The following SYT1 variants were observed in gnomAD, a reference collection of about 807,000 sequenced individuals.
The protein encoded by SYT1 is synaptotagmin 1.
Under a neutral mutation model 44.8 loss-of-function variants are expected in SYT1, and 8 were observed. The observed-to-expected ratio is 0.18, with a 90% CI of 0.10 to 0.32. The LOEUF (loss-of-function observed/expected upper bound fraction) is 0.32. SYT1 is among the 10% of genes least tolerant of loss of function. SYT1 has a pLI of 1.00. For missense variants in SYT1, 286 were observed against 509.3 expected, an observed-to-expected ratio of 0.56 and a Z score of 4.22; for synonymous variants, 154 against 188.8, an observed-to-expected ratio of 0.82 and a Z score of 1.51.
intron 4 of SYT1, among the ~76,000 whole-genome samples, chr12:79,246,635 G>A (rs560538843): frequency 6.6e-6 from 1 of 152,196 alleles, no homozygotes; most frequent in Non-Finnish European, 1.5e-5. Flanking sequence ...GGCAAATACT[G>A]TGTGAAGCCT....
At chr12:79,279,276 G>A (rs948611743) in intron 4 of SYT1, among the ~76,000 whole-genome samples, 1 of 151,934 alleles carries the variant, frequency 6.6e-6, no homozygotes, top group Non-Finnish European at 1.5e-5. Context: ...AAATCCAACA[G>A]CACATGAAAA....
intron 9 of SYT1, among the ~76,000 whole-genome samples, chr12:79,407,090 A>G (rs570340527): frequency 6.6e-6 from 1 of 152,136 alleles, no homozygotes; most frequent in Admixed American, 6.6e-5. Context: ...TTAAGATGGC[A>G]TGTGACAGTG....
chr12:78,876,537 T>G (rs566854728), intron 1 of SYT1, among the ~76,000 whole-genome samples: 3 of 139,240 alleles, frequency 2.2e-5, no homozygotes, highest in Non-Finnish European at 4.6e-5. Context: ...TTTTATGTTA[T>G]ACTATATATA....
intron 3 of SYT1, among the ~76,000 whole-genome samples, chr12:79,187,886 T>A (rs1351115920): frequency 6.6e-6 from 1 of 152,150 alleles, no homozygotes; most frequent in Non-Finnish European, 1.5e-5. Context: ...GGGCACAAGC[T>A]AATCTTTACA....
At chr12:79,317,001 G>A (rs966270628) in intron 8 of SYT1, among the ~76,000 whole-genome samples, 1 of 152,174 alleles carries the variant, frequency 6.6e-6, no homozygotes, top group African/African-American at 2.4e-5. Context: ...ATATACCTAT[G>A]TGTTTGAAAT....
At chr12:79,101,236 G>T (rs1378070311) in intron 3 of SYT1, among the ~76,000 whole-genome samples, 1 of 152,140 alleles carries the variant, frequency 6.6e-6, no homozygotes, top group Non-Finnish European at 1.5e-5. Flanking sequence ...CCACTTATCA[G>T]TGGATAAGTG....
intron 9 of SYT1, among the ~76,000 whole-genome samples, chr12:79,375,500 CT>C (rs1001804307): frequency 5.9e-5 from 9 of 152,182 alleles, no homozygotes; most frequent in African/African-American, 2.2e-4. Context: ...GGAGTTTGTG[CT>C]GCAAACTGTA....
chr12:78,921,328 T>C (rs1189321528), intron 1 of SYT1, among the ~76,000 whole-genome samples: 1 of 151,998 alleles, frequency 6.6e-6, no homozygotes. Flanking sequence ...TTGGGAGCTG[T>C]TGGTGAAACC....
intron 3 of SYT1, among the ~76,000 whole-genome samples, chr12:79,113,985 A>T (rs1260322909): frequency 6.6e-6 from 1 of 152,144 alleles, no homozygotes; most frequent in Non-Finnish European, 1.5e-5. Context: ...TGACTCCACA[A>T]CAGGAAGCAT....
At chr12:79,179,500 GATATAGATATAGATATATCT>G (rs1229241812) in intron 3 of SYT1, among the ~76,000 whole-genome samples, 10 of 104,206 alleles carry the variant, frequency 9.6e-5, no homozygotes, top group Admixed American at 4.5e-4. Flanking sequence ...TATCTATATA[GATATAGATATAGATATATCT>G]ATATAGATAT....
chr12:78,968,628 G>A (rs1868303130), intron 1 of SYT1, among the ~76,000 whole-genome samples: 1 of 152,088 alleles, frequency 6.6e-6, no homozygotes, highest in African/African-American at 2.4e-5. Context: ...GATCTCCACT[G>A]TATTCATTAG....
intron 9 of SYT1, among the ~76,000 whole-genome samples, chr12:79,417,761 T>A (rs1186763759): frequency 6.6e-6 from 1 of 152,004 alleles, no homozygotes; most frequent in Non-Finnish European, 1.5e-5. Context: ...GTGTCAGTGC[T>A]CTCCCTGAAC....
intron 9 of SYT1, among the ~76,000 whole-genome samples, chr12:79,422,736 CTT>C (rs1196660381): frequency 1.3e-5 from 2 of 151,994 alleles, no homozygotes; most frequent in African/African-American, 4.8e-5. Context: ...TAATCCCTCT[CTT>C]TAATCAGAAT....
At chr12:78,910,058 T>C (rs1488850409) in intron 1 of SYT1, among the ~76,000 whole-genome samples, 1 of 151,964 alleles carries the variant, frequency 6.6e-6, no homozygotes, top group East Asian at 1.9e-4. Context: ...GCTTTATTCA[T>C]GTACATCCAA....
chr12:79,384,472 C>T (rs185851285), intron 9 of SYT1, among the ~76,000 whole-genome samples: 4 of 152,250 alleles, frequency 2.6e-5, no homozygotes, highest in Admixed American at 2.6e-4. Context: ...ATCAGAGTGG[C>T]TGTACCTGAA....
intron 4 of SYT1, among the ~76,000 whole-genome samples, chr12:79,274,386 A>G (rs1485799950): frequency 6.6e-6 from 1 of 152,198 alleles, no homozygotes; most frequent in African/African-American, 2.4e-5. Context: ...GGTGTGAGAC[A>G]CACCATGTCA....
At chr12:79,008,413 A>T (rs1267832767) in intron 2 of SYT1, among the ~76,000 whole-genome samples, 1 of 152,198 alleles carries the variant, frequency 6.6e-6, no homozygotes, top group African/African-American at 2.4e-5. Flanking sequence ...AATTCTAATT[A>T]CAATAATAAG....
intron 2 of SYT1, among the ~76,000 whole-genome samples, chr12:79,017,977 T>C (rs1871918750): frequency 6.6e-6 from 1 of 151,866 alleles, no homozygotes; most frequent in Admixed American, 6.6e-5. Context: ...GTGGCATGGA[T>C]GGCAATGGAT....
intron 7 of SYT1, among the ~76,000 whole-genome samples, chr12:79,296,574 G>GT (rs1384902443): frequency 6.6e-6 from 1 of 152,122 alleles, no homozygotes; most frequent in Non-Finnish European, 1.5e-5. Flanking sequence ...GTGAAAATAA[G>GT]TACATCTGTT....
Sources: gnomAD v4.1 joint callset for allele counts (sites outside exome capture counted in the v4.1 genomes callset) on GRCh38, gnomAD v4.1.1 for gene constraint, MANE v1.5 for transcripts, NCBI Gene and HGNC (gene_info 2026-07-23, HGNC 2026-07-21) for gene names.